BBOF1: variants seen among roughly 807,000 people sequenced by gnomAD.
The protein encoded by BBOF1 is basal body orientation factor 1, also known as basal body-orientation factor 1.
In BBOF1, 62 loss-of-function variants were observed where a neutral mutation model predicts 68.0. The ratio of observed to expected loss-of-function variants is 0.91; its 90% CI spans 0.74 to 1.13. The LOEUF (loss-of-function observed/expected upper bound fraction) is 1.13. Among genes scored for constraint, BBOF1 ranks in the 50% most tolerant of loss-of-function variants. The pLI is 0.00. For synonymous variants in BBOF1, 208 were observed against 198.8 expected (o/e 1.05, Z -0.39); for missense variants, 534 against 600.1 (o/e 0.89, Z 1.15).
rs2060437455 is a variant in BBOF1 at position 74,065,012 on chromosome 14, A to G, written c.*313A>G. ...CATCAGAGACCAGTTTTAAATACCC[A>G]CCTTCTACCCTATCCTCTACCCCAT... On this transcript the variant is annotated 3_prime_UTR_variant, in exon 12 of 12. Transcript: ENST00000394009. 7.2e-7 allele frequency: 1 copy of G among 1,380,720 alleles called. No individual in the cohort carries two copies. The highest frequency in any genetic ancestry group is 1.0e-6 in the Non-Finnish European group (1 of 984,638). 85.5% of individuals were successfully genotyped at this position (1,380,720 alleles called of 1,614,324 possible).
downstream of BBOF1, among the ~76,000 whole-genome samples, chr14:74,068,647 G>A (rs1415831075): frequency 6.6e-6 from 1 of 152,004 alleles, no homozygotes; most frequent in Non-Finnish European, 1.5e-5. Context: ...GGAGGCTGAG[G>A]CAGGAGAATC....
chr14:74,043,366 A>T (rs928366873), intron 5 of BBOF1, among the ~76,000 whole-genome samples: 1 of 149,554 alleles, frequency 6.7e-6, no homozygotes, highest in Non-Finnish European at 1.5e-5. Context: ...CTGGCTAACA[A>T]GGTGAAACCC....
At chr14:74,048,188 C>A in intron 7 of BBOF1, 114 bp downstream of exon 7, 2 of 985,002 alleles carry the variant, frequency 2.0e-6, no homozygotes, top group Non-Finnish European at 3.0e-6. Context: ...CCATTTTCAT[C>A]TGTCTGGATG....
chr14:74,024,313 AG>A (rs1418688545), intron 2 of BBOF1, among the ~76,000 whole-genome samples: 1 of 151,380 alleles, frequency 6.6e-6, no homozygotes, highest in African/African-American at 2.4e-5. Flanking sequence ...AAAAATAGCC[AG>A]GCGTGGCAGT....
chr14:74,043,377 C>T (rs991529234), intron 5 of BBOF1, among the ~76,000 whole-genome samples: 6 of 148,900 alleles, frequency 4.0e-5, no homozygotes, highest in South Asian at 4.3e-4. Flanking sequence ...GGTGAAACCC[C>T]GTCTCTACTA....
intron 10 of BBOF1, among the ~76,000 whole-genome samples, chr14:74,078,987 C>A (rs114616280): frequency 0.023 from 3,500 of 151,846 alleles, 86 homozygotes; most frequent in African/African-American, 0.03. Context: ...TTAAGTTTCC[C>A]AAGGCTTGGT....
rs368051564 is a variant in BBOF1 at position 74,064,297 on chromosome 14, CA to C, written c.1579-377del. On this transcript the variant is annotated intron_variant, in intron 11 of 11. Transcript: ENST00000394009. ...TGGGCAACAGAGCGAGACTGTGTCTCAAAAAAAAAAAAAATAATAATAATAA... is the reference window on the plus strand; with the variant it reads ...TGGGCAACAGAGCGAGACTGTGTCTCAAAAAAAAAAAAATAATAATAATAA... Among the ~76,000 whole-genome samples, 1,166 of 126,996 alleles carry C rather than the reference CA, an allele frequency of 9.2e-3. 21 individuals are homozygous for C. Among genetic ancestry groups the C allele is most frequent in the South Asian group, 0.048 (189 of 3,946 alleles). 83.3% of individuals were successfully genotyped at this position (126,996 alleles called of 152,430 possible). A position where few individuals can be genotyped will look rare whatever the true frequency, so the allele number is the denominator to read the frequency against.
chr14:74,026,905 A>T (rs1198173189), intron 2 of BBOF1, among the ~76,000 whole-genome samples: 1 of 150,458 alleles, frequency 6.6e-6, no homozygotes, highest in African/African-American at 2.4e-5. Context: ...ACCCTCAGGG[A>T]CAGAGTGAGA....
In BBOF1 at chr14:74,081,647, G is replaced by C. The variant is rs139281012; in HGVS notation, n.1639+373G>C. Among the ~76,000 whole-genome samples the C allele has an allele frequency of 2.0e-3, 301 of 152,086 alleles. 2 individuals carry two copies. Among genetic ancestry groups the C allele is most frequent in the African/African-American group, 6.9e-3 (288 of 41,476 alleles). On this transcript the variant is annotated intron_variant and non_coding_transcript_variant, in intron 12 of 12. Coordinates refer to the BBOF1 transcript ENST00000492026. Reference sequence around the variant, plus strand: ...TCCTACTTGCTATATCCTTTATAAGGAACTCCTTCCTCTCCTGGTTCATGG... The same window carrying C: ...TCCTACTTGCTATATCCTTTATAAGCAACTCCTTCCTCTCCTGGTTCATGG...
chr14:74,019,376 G>C lies in BBOF1; in HGVS notation c.-103G>C, dbSNP rs79458742. 1.9e-3 allele frequency: 2,656 copies of C among 1,424,448 alleles called. 42 individuals are homozygous for C. The African/African-American group carries it at 0.034, about 18-fold the overall frequency. The allele number at this position is 1,424,448 out of a possible 1,614,324, so 88.2% of individuals were successfully genotyped here. ...TCTCCGCGCGCCGTCAGCGGCGCGG[G>C]TGGGGCATTGCCAGCTCGGCGTCCC... On this transcript the variant is annotated 5_prime_UTR_variant, in exon 1 of 12. Coordinates refer to ENST00000394009, the MANE Select transcript of BBOF1 (RefSeq NM_025057.3).
intron 4 of BBOF1, among the ~76,000 whole-genome samples, chr14:74,035,377 C>CTGGTGAT (rs1279449789): frequency 2.7e-5 from 4 of 148,162 alleles, no homozygotes; most frequent in Non-Finnish European, 5.9e-5. Context: ...TAAGTTGGTG[C>CTGGTGAT]TGGTGATTAG....
In BBOF1 at chr14:74,019,426, C is replaced by T. The variant is rs367571583; in HGVS notation, c.-53C>T. 5.3e-5 allele frequency: 83 copies of T among 1,571,452 alleles called. No individual in the cohort carries two copies. Among genetic ancestry groups the T allele is most frequent in the Non-Finnish European group, 7.0e-5 (81 of 1,159,172 alleles). ...CGGTTCCCTTGGAGACAGAGCTGGC[C>T]AGGGCGGCCGCGGCTGGGCAACTAC... On this transcript the variant is annotated 5_prime_UTR_variant, in exon 1 of 12. Coordinates refer to ENST00000394009, the MANE Select transcript of BBOF1 (RefSeq NM_025057.3).
intron 5 of BBOF1, 54 bp from the exon 6 acceptor site, chr14:74,046,006 G>C: frequency 1.3e-6 from 2 of 1,481,478 alleles, no homozygotes; most frequent in East Asian, 4.8e-5. Flanking sequence ...CTTTTGATGA[G>C]TAAAATTTGT....
At chr14:74,053,070 A>C (rs2060105416) in intron 8 of BBOF1, among the ~76,000 whole-genome samples, 1 of 152,002 alleles carries the variant, frequency 6.6e-6, no homozygotes, top group Non-Finnish European at 1.5e-5. Context: ...TTAAAAAATG[A>C]AGTATATGGT....
intron 11 of BBOF1, chr14:74,060,597 AAGGG>A: frequency 7.5e-7 from 1 of 1,335,516 alleles, no homozygotes; most frequent in South Asian, 1.2e-5. Flanking sequence ...GTCAAAAATA[AAGGG>A]AGATTACTCA....
intron 9 of BBOF1, chr14:74,074,891 A>G (rs2060595256): frequency 6.7e-7 from 1 of 1,499,958 alleles, no homozygotes; most frequent in African/African-American, 1.4e-5. Flanking sequence ...TAAAGAAGAT[A>G]GAGATACCCA....
chr14:74,022,037 A>C (rs1466859992), intron 1 of BBOF1, among the ~76,000 whole-genome samples: 1 of 152,164 alleles, frequency 6.6e-6, no homozygotes, highest in Non-Finnish European at 1.5e-5. Flanking sequence ...GAGAGAACCA[A>C]AGTCCAGCAC....
chr14:74,052,539 G>C (rs1388783886), intron 8 of BBOF1, among the ~76,000 whole-genome samples: 1 of 152,062 alleles, frequency 6.6e-6, no homozygotes, highest in African/African-American at 2.4e-5. Context: ...CAGCTACTCA[G>C]GAGGCTGAGG....
At chr14:74,043,322 G>A (rs1260711710) in intron 5 of BBOF1, among the ~76,000 whole-genome samples, 2 of 150,328 alleles carry the variant, frequency 1.3e-5, no homozygotes, top group East Asian at 2.0e-4. Context: ...AGGCCGAGGC[G>A]GGTGGATCAT....
Sources: gnomAD v4.1 joint callset for allele counts (sites outside exome capture counted in the v4.1 genomes callset) on GRCh38, gnomAD v4.1.1 for gene constraint, MANE v1.5 for transcripts, NCBI Gene and HGNC (gene_info 2026-07-23, HGNC 2026-07-21) for gene names.